The following MAML2 variants were observed in gnomAD, a reference collection of about 807,000 sequenced individuals.
MAML2 encodes the protein mastermind-like protein 2.
A neutral mutation model predicts 96.1 loss-of-function variants in MAML2; 22 were observed. That is an observed-to-expected ratio of 0.23 (90% CI 0.16 to 0.33). The LOEUF is 0.33. Ranked by LOEUF, MAML2 falls within the 10% of genes least tolerant of loss-of-function variation. The probability of loss-of-function intolerance (pLI) is 1.00; values close to 1 mark genes in which losing one functional copy is unlikely to be tolerated. For missense variants in MAML2, 1,367 were observed against 1,392.4 expected, an observed-to-expected ratio of 0.98 and a Z score of 0.29; for synonymous variants, 561 against 521.3, an observed-to-expected ratio of 1.08 and a Z score of -1.04.
intron 1 of MAML2, among the ~76,000 whole-genome samples, chr11:96,161,225 G>C (rs1365157754): frequency 6.6e-6 from 1 of 152,210 alleles, no homozygotes; most frequent in Admixed American, 6.5e-5. Flanking sequence ...CCTGAAACGG[G>C]AGGAATGTGG....
chr11:96,240,557 CAAAAAA>C (rs55659413), intron 1 of MAML2, among the ~76,000 whole-genome samples: 29 of 51,100 alleles, frequency 5.7e-4, no homozygotes, highest in Middle Eastern at 0.026. Flanking sequence ...GACTCCGTCT[CAAAAAA>C]AAAAAAAAAA....
chr11:96,180,745 T>TGTCCCTGGTACCTTCATGC, intron 1 of MAML2, among the ~76,000 whole-genome samples: 1 of 152,190 alleles, frequency 6.6e-6, no homozygotes, highest in Admixed American at 6.5e-5. Flanking sequence ...TACCTTCATG[T>TGTCCCTGGTACCTTCATGC]GTGTCCGTGT....
intron 1 of MAML2, among the ~76,000 whole-genome samples, chr11:96,213,078 C>T (rs923778829): frequency 3.3e-5 from 5 of 152,092 alleles, no homozygotes; most frequent in African/African-American, 4.8e-5. Context: ...TATTTTTAGC[C>T]TATTTTACAG....
intron 1 of MAML2, among the ~76,000 whole-genome samples, chr11:96,115,323 T>C (rs1860215630): frequency 6.6e-6 from 1 of 151,952 alleles, no homozygotes; most frequent in Non-Finnish European, 1.5e-5. Context: ...ACCATCATGC[T>C]TGGCTATGTA....
chr11:96,170,392 T>C (rs918019904), intron 1 of MAML2, among the ~76,000 whole-genome samples: 4 of 152,342 alleles, frequency 2.6e-5, no homozygotes, highest in Middle Eastern at 3.4e-3. Context: ...ACCAGTGTAA[T>C]TATTTTTATC....
intron 1 of MAML2, among the ~76,000 whole-genome samples, chr11:96,141,651 C>T (rs1224544915): frequency 1.3e-5 from 2 of 152,186 alleles, no homozygotes; most frequent in East Asian, 1.9e-4. Context: ...GACCTCCTCC[C>T]TCCGATTGCC....
At chr11:96,003,599 T>C (rs1307885311) in intron 2 of MAML2, among the ~76,000 whole-genome samples, 2 of 152,148 alleles carry the variant, frequency 1.3e-5, no homozygotes, top group African/African-American at 4.8e-5. Flanking sequence ...CAGGCAGACC[T>C]GGGTTCAAAT....
At chr11:96,314,021 ATTTG>A (rs766269118) in intron 1 of MAML2, among the ~76,000 whole-genome samples, 3 of 152,176 alleles carry the variant, frequency 2.0e-5, no homozygotes, top group Non-Finnish European at 2.9e-5. Flanking sequence ...TGCTTTCTAA[ATTTG>A]TTTGTCTTCT....
chr11:96,231,708 T>A (rs909241731), intron 1 of MAML2, among the ~76,000 whole-genome samples: 2 of 152,162 alleles, frequency 1.3e-5, no homozygotes, highest in African/African-American at 4.8e-5. Context: ...TGCAGAGTAA[T>A]CCTCCAAGTA....
intron 2 of MAML2, among the ~76,000 whole-genome samples, chr11:96,065,036 T>A (rs577273025): frequency 2.0e-5 from 3 of 152,286 alleles, no homozygotes; most frequent in African/African-American, 7.2e-5. Context: ...CTTAAAAAAC[T>A]AGAAGGAATG....
intron 1 of MAML2, among the ~76,000 whole-genome samples, chr11:96,153,120 A>T (rs189981944): frequency 7.9e-5 from 12 of 152,286 alleles, no homozygotes; most frequent in Non-Finnish European, 1.5e-4. Context: ...TCAAGGTATA[A>T]AATTTAGGCC....
chr11:96,047,930 A>AAAAAAAAAG (rs1555001442), intron 2 of MAML2, among the ~76,000 whole-genome samples: 8 of 127,412 alleles, frequency 6.3e-5, no homozygotes, highest in East Asian at 2.5e-4. Context: ...AAAAAAAAAA[A>AAAAAAAAAG]AAAAGAAAAA....
At chr11:96,060,775 A>T (rs1859145155) in intron 2 of MAML2, among the ~76,000 whole-genome samples, 1 of 152,214 alleles carries the variant, frequency 6.6e-6, no homozygotes, top group South Asian at 2.1e-4. Context: ...ATCACTGCCA[A>T]GTTTTAGTTT....
intron 2 of MAML2, among the ~76,000 whole-genome samples, chr11:96,086,309 A>G (rs887937611): frequency 1.3e-5 from 2 of 152,196 alleles, no homozygotes; most frequent in Non-Finnish European, 2.9e-5. Context: ...TCCCATTGTG[A>G]AACTCTAACA....
chr11:96,220,749 TAA>T (rs1185957689), intron 1 of MAML2, among the ~76,000 whole-genome samples: 3 of 152,088 alleles, frequency 2.0e-5, no homozygotes, highest in African/African-American at 7.2e-5. Flanking sequence ...GACATAGATT[TAA>T]AAAAATACAA....
chr11:96,056,743 A>G (rs1590985716), intron 2 of MAML2, among the ~76,000 whole-genome samples: 1 of 152,190 alleles, frequency 6.6e-6, no homozygotes, highest in Non-Finnish European at 1.5e-5. Context: ...AGTCTACTCT[A>G]TTTCCACCTC....
chr11:96,023,225 G>C (rs753309576), intron 2 of MAML2, among the ~76,000 whole-genome samples: 1 of 152,174 alleles, frequency 6.6e-6, no homozygotes, highest in African/African-American at 2.4e-5. Context: ...ACCACACTGC[G>C]TCCCTTCCTG....
chr11:96,213,820 T>A (rs1862007750), intron 1 of MAML2, among the ~76,000 whole-genome samples: 1 of 152,180 alleles, frequency 6.6e-6, no homozygotes, highest in African/African-American at 2.4e-5. Context: ...TCAATGAATT[T>A]AAATTAGGAA....
At chr11:96,114,532 TC>T (rs1860200297) in intron 1 of MAML2, among the ~76,000 whole-genome samples, 1 of 152,248 alleles carries the variant, frequency 6.6e-6, no homozygotes, top group Admixed American at 6.5e-5. Flanking sequence ...GCTTGTGATC[TC>T]ACATACTCAC....
Sources: gnomAD v4.1 joint callset for allele counts (sites outside exome capture counted in the v4.1 genomes callset) on GRCh38, gnomAD v4.1.1 for gene constraint, MANE v1.5 for transcripts, NCBI Gene and HGNC (gene_info 2026-07-23, HGNC 2026-07-21) for gene names.